Variants in KANK1 observed in about 807,000 individuals in gnomAD.
KANK1 encodes KN motif and ankyrin repeat domain-containing protein 1.
In KANK1, 109 loss-of-function variants were observed where a neutral mutation model predicts 106.2. The observed-to-expected ratio is 1.03, with a 90% confidence interval of 0.88 to 1.20. The LOEUF is 1.20. KANK1 is among the 50% of genes most tolerant of loss of function. The pLI is 0.00. For synonymous variants in KANK1, 873 were observed against 652.2 expected, an observed-to-expected ratio of 1.34 and a Z score of -5.16; for missense variants, 2,399 against 1,710.7, an observed-to-expected ratio of 1.40 and a Z score of -7.10.
intron 1 of KANK1, among the ~76,000 whole-genome samples, chr9:563,345 C>A (rs1447385993): frequency 6.6e-6 from 1 of 152,148 alleles, no homozygotes; most frequent in Non-Finnish European, 1.5e-5. Flanking sequence ...TGGTCTTAAA[C>A]TGTGAATATT....
At chr9:555,545 T>C (rs1488302147) in intron 1 of KANK1, among the ~76,000 whole-genome samples, 1 of 152,232 alleles carries the variant, frequency 6.6e-6, no homozygotes, top group Non-Finnish European at 1.5e-5. Flanking sequence ...GGATTATCCT[T>C]TTTCTGGAAT....
At chr9:503,795 C>T (rs145224629), upstream of KANK1, among the ~76,000 whole-genome samples, 9 of 152,346 alleles carry the variant, frequency 5.9e-5, no homozygotes, top group Non-Finnish European at 1.3e-4. Context: ...GCTTCTCAAT[C>T]CCTACTAATT....
intron 2 of KANK1, among the ~76,000 whole-genome samples, chr9:706,157 CT>C (rs1298968851): frequency 1.3e-5 from 2 of 152,110 alleles, no homozygotes; most frequent in African/African-American, 2.4e-5. Context: ...ACACATCTTA[CT>C]TTTTTACTTG....
intron 3 of KANK1, among the ~76,000 whole-genome samples, chr9:719,024 A>G (rs1316856404): frequency 7.0e-6 from 1 of 142,722 alleles, no homozygotes; most frequent in Non-Finnish European, 1.5e-5. Context: ...CAGTGGTGCA[A>G]TCTCAGCTCA....
intron 1 of KANK1, among the ~76,000 whole-genome samples, chr9:509,011 C>A (rs2058908890): frequency 6.6e-6 from 1 of 152,064 alleles, no homozygotes; most frequent in South Asian, 2.1e-4. Context: ...ATACTTCTAC[C>A]CGTAGTGTGA....
intron 1 of KANK1, among the ~76,000 whole-genome samples, chr9:512,445 G>A (rs1379448962): frequency 2.0e-5 from 3 of 152,058 alleles, no homozygotes; most frequent in Middle Eastern, 6.8e-3. Flanking sequence ...CATACCTTTA[G>A]TTGTTTGCAT....
intron 3 of KANK1, among the ~76,000 whole-genome samples, chr9:498,328 C>T (rs1246907434): frequency 1.3e-5 from 2 of 152,158 alleles, no homozygotes; most frequent in Non-Finnish European, 2.9e-5. Flanking sequence ...TCTTTAACTA[C>T]AAAGCTTGTA....
chr9:741,040 GT>G, intron 9 of KANK1, 106 bp downstream of exon 9: 1 of 1,308,754 alleles, frequency 7.6e-7, no homozygotes, highest in Non-Finnish European at 1.1e-6. Flanking sequence ...TTCCACCACA[GT>G]GCACTTGTTT....
intron 1 of KANK1, among the ~76,000 whole-genome samples, chr9:589,873 A>C (rs1481665572): frequency 6.6e-6 from 1 of 152,196 alleles, no homozygotes; most frequent in Non-Finnish European, 1.5e-5. Flanking sequence ...AGACCTCTGC[A>C]GGATGCAGGA....
intron 1 of KANK1, among the ~76,000 whole-genome samples, chr9:519,797 G>A (rs2059463827): frequency 6.6e-6 from 1 of 151,640 alleles, no homozygotes; most frequent in African/African-American, 2.4e-5. Context: ...TCTCAATAAG[G>A]TCTTCTAAAG....
intron 1 of KANK1, among the ~76,000 whole-genome samples, chr9:578,610 T>C (rs968043880): frequency 6.6e-6 from 1 of 151,584 alleles, no homozygotes; most frequent in African/African-American, 2.4e-5. Flanking sequence ...AAAATAAATA[T>C]GTAAACAGCT....
chr9:494,403 A>T (rs1008724436), intron 3 of KANK1, among the ~76,000 whole-genome samples: 6 of 152,188 alleles, frequency 3.9e-5, no homozygotes, highest in African/African-American at 1.4e-4. Context: ...CTTAGCATTT[A>T]TACTGGCGGT....
At chr9:602,270 T>A (rs1171170836) in intron 1 of KANK1, among the ~76,000 whole-genome samples, 1 of 151,848 alleles carries the variant, frequency 6.6e-6, no homozygotes, top group Admixed American at 6.6e-5. Flanking sequence ...TTATTTTATT[T>A]TATTTTTTGA....
intron 6 of KANK1, chr9:733,833 T>G (rs1432496875): frequency 6.6e-6 from 1 of 151,862 alleles, no homozygotes; most frequent in Non-Finnish European, 1.5e-5. Context: ...TTAGAACAGG[T>G]TGGGCACAGT....
chr9:577,622 G>T (rs1001738814), intron 1 of KANK1, among the ~76,000 whole-genome samples: 1 of 152,126 alleles, frequency 6.6e-6, no homozygotes, highest in African/African-American at 2.4e-5. Context: ...CTTTGTTTAA[G>T]GCAGTTATTC....
chr9:558,617 A>G (rs1274498642), intron 1 of KANK1, among the ~76,000 whole-genome samples: 7 of 152,126 alleles, frequency 4.6e-5, no homozygotes, highest in African/African-American at 7.2e-5. Context: ...GTGATTAAGA[A>G]CATTAGACGA....
At chr9:612,683 C>T (rs1451963641) in intron 1 of KANK1, among the ~76,000 whole-genome samples, 2 of 152,162 alleles carry the variant, frequency 1.3e-5, no homozygotes, top group African/African-American at 4.8e-5. Flanking sequence ...GCAGTCCCTT[C>T]AGCTGAAGAA....
intron 1 of KANK1, among the ~76,000 whole-genome samples, chr9:604,601 G>A (rs1320400991): frequency 2.0e-5 from 3 of 151,742 alleles, no homozygotes; most frequent in Non-Finnish European, 4.4e-5. Flanking sequence ...AGAGACCAAC[G>A]CGGGCAGATC....
chr9:707,223 C>T (rs1052028990), intron 2 of KANK1: 1 of 986,140 alleles, frequency 1.0e-6, no homozygotes, highest in Non-Finnish European at 1.2e-6. Context: ...CGCGGGCTGG[C>T]GGGGAGCGCG....
Sources: gnomAD v4.1 joint callset for allele counts (sites outside exome capture counted in the v4.1 genomes callset) on GRCh38, gnomAD v4.1.1 for gene constraint, MANE v1.5 for transcripts, NCBI Gene and HGNC (gene_info 2026-07-23, HGNC 2026-07-21) for gene names.